PTPRS: variants seen among roughly 807,000 people sequenced by gnomAD.
PTPRS encodes the protein protein tyrosine phosphatase receptor type S.
In PTPRS, 63 loss-of-function variants were observed where a neutral mutation model predicts 215.3. The ratio of observed to expected loss-of-function variants is 0.29; its 90% CI spans 0.24 to 0.36. The LOEUF is 0.36. PTPRS is among the 10% of genes least tolerant of loss of function. The pLI, the probability that PTPRS is intolerant of heterozygous loss-of-function variation, is 1.00. For missense variants in PTPRS, 2,258 were observed against 2,825.8 expected, an observed-to-expected ratio of 0.80 and a Z score of 4.56; for synonymous variants, 1,404 against 1,191.4, an observed-to-expected ratio of 1.18 and a Z score of -3.68.
At chr19:5,226,760 T>C (rs563942440) in intron 16 of PTPRS, among the ~76,000 whole-genome samples, 4,056 of 146,066 alleles carry the variant, frequency 0.028, 80 homozygotes, top group Non-Finnish European at 0.046. Flanking sequence ...AATAAATAAA[T>C]AAACTGTATA....
In PTPRS at chr19:5,206,604, G is replaced by A. The variant is rs1048329369; in HGVS notation, c.*170C>T. 4.9e-5 allele frequency: 28 copies of A among 571,100 alleles called. No individual in the cohort carries two copies. The highest frequency in any genetic ancestry group is 1.3e-4 in the Admixed American group (4 of 30,572). 35.4% of individuals were successfully genotyped at this position (571,100 alleles called of 1,614,324 possible). The stretch of plus-strand genomic sequence containing the variant: ...GGAGGTCGCTGGGGCGGCCGGGGCC[G>A]GTGGGGGGGCTCGAGGGGCTGCGTC... On this transcript the variant is annotated 3_prime_UTR_variant, in exon 38 of 38. Coordinates refer to ENST00000262963, the MANE Select transcript of PTPRS (RefSeq NM_002850.4).
Position 5,215,495 on chromosome 19 carries a change from C to T in PTPRS, c.4194+3G>A. 1.1e-5 allele frequency: 18 copies of T among 1,608,474 alleles called. No individual in the cohort carries two copies. Among genetic ancestry groups the T allele is most frequent in the Non-Finnish European group, 1.4e-5 (17 of 1,175,658 alleles). On this transcript the variant is annotated splice_donor_region_variant and intron_variant, in intron 27 of 37. Transcript: ENST00000262963. ...TGAGGGTGGGAGGCGGGGGTGGGCTCACCTCATACTCCTGGGAGAGCTTGA... is the reference window on the plus strand; with the variant it reads ...TGAGGGTGGGAGGCGGGGGTGGGCTTACCTCATACTCCTGGGAGAGCTTGA...
At position 5,229,455 on chromosome 19, in the gene PTPRS, A is replaced by G. The variant is rs1177753938; in HGVS notation, c.2349+36T>C. On this transcript the variant is annotated intron_variant, in intron 15 of 37. Transcript: ENST00000262963. ...AGCGCAAGGGCCCGTCCCCGCCCGG[A>G]GCCCGTCCCCGGCCCCGCCCCGGCC... 11 of 1,374,766 alleles carry G rather than the reference A, an allele frequency of 8.0e-6. No individual in the cohort carries two copies. In the African/African-American group the frequency reaches 1.4e-4, roughly 17 times the overall value. 85.2% of individuals were successfully genotyped at this position (1,374,766 alleles called of 1,614,324 possible). A position where few individuals can be genotyped will look rare whatever the true frequency, so the allele number is the denominator to read the frequency against.
chr19:5,289,549 C>T (rs896210200), intron 1 of PTPRS, among the ~76,000 whole-genome samples: 4 of 152,310 alleles, frequency 2.6e-5, no homozygotes, highest in African/African-American at 9.6e-5. Flanking sequence ...AGGTCCTGCA[C>T]GACCTGCCCT....
Position 5,223,317 on chromosome 19 carries a change from G to T in PTPRS, c.2495-20C>A. ...CCAGCACTGCGGGGATACGGGGCAG[G>T]TGTCAGGGTCCCAGCGCCATCCGCC... On this transcript the variant is annotated intron_variant, in intron 17 of 37. Coordinates refer to ENST00000262963, the MANE Select transcript of PTPRS (RefSeq NM_002850.4). The T allele has an allele frequency of 1.4e-6, 2 of 1,442,678 alleles. No individual in the cohort carries two copies. Among genetic ancestry groups the T allele is most frequent in the South Asian group, 3.0e-5 (2 of 67,276 alleles). The allele number at this position is 1,442,678 out of a possible 1,614,324, so 89.4% of individuals were successfully genotyped here.
rs904490225 is a variant in PTPRS, at chr19:5,334,122, G to T, written c.-95+6542C>A. 2.6e-5 allele frequency among the ~76,000 whole-genome samples: 4 copies of T among 152,156 alleles called. 1 individual carries two copies. The highest frequency in any genetic ancestry group is 4.4e-5 in the Non-Finnish European group (3 of 68,030). On this transcript the variant is annotated intron_variant, in intron 1 of 37. Coordinates refer to ENST00000262963, the MANE Select transcript of PTPRS (RefSeq NM_002850.4). ...CCCTGTGGTTCAGCTCCCGCCAGTC[G>T]CCCAGTCCTGCCGCAGAAGTGGGGC...
intron 4 of PTPRS, among the ~76,000 whole-genome samples, chr19:5,269,777 T>C (rs113775647): frequency 3.0e-4 from 46 of 152,008 alleles, no homozygotes; most frequent in African/African-American, 1.0e-3. Context: ...AAAAATTAGC[T>C]GGGCGTGCTA....
intron 1 of PTPRS, among the ~76,000 whole-genome samples, chr19:5,323,572 CTG>C (rs2050089350): frequency 6.6e-6 from 1 of 152,238 alleles, no homozygotes; most frequent in East Asian, 1.9e-4. Flanking sequence ...AGGGCACAGA[CTG>C]TGCAAAGGCC....
At chr19:5,240,758 G>A (rs972739433) in intron 11 of PTPRS, among the ~76,000 whole-genome samples, 3 of 151,514 alleles carry the variant, frequency 2.0e-5, no homozygotes, top group Admixed American at 6.6e-5. Flanking sequence ...AGAATGGTGC[G>A]AACCCGGGAG....
At chr19:5,310,318 C>CTTTTTTTTTTTT in intron 1 of PTPRS, among the ~76,000 whole-genome samples, 1 of 134,342 alleles carries the variant, frequency 7.4e-6, no homozygotes, top group Non-Finnish European at 1.6e-5. Context: ...TTTTTCTTTT[C>CTTTTTTTTTTTT]TTTTTTTTTT....
intron 1 of PTPRS, among the ~76,000 whole-genome samples, chr19:5,300,697 G>A (rs1461878023): frequency 1.3e-5 from 2 of 148,514 alleles, no homozygotes; most frequent in African/African-American, 5.0e-5. Flanking sequence ...GAGCCCAAGA[G>A]GCAGAGGTTG....
At position 5,218,462 on chromosome 19, in the gene PTPRS, T is replaced by G; in HGVS notation, c.4006A>C (p.Lys1336Gln). The change falls in exon 25 of 38, where the codon AAG becomes CAG. Residue 1336 changes from lysine to glutamine, a missense_variant. Lys to Gln is a moderately conservative substitution (Grantham distance 53). Transcript: ENST00000262963. ...NNADLAPHHP[K>Q]DPVEMRRINF... ...ATGCGTCTCATTTCCACAGGGTCCT[T>G]GGGGTGGTGAGGGGCGAGGTCGGCA... 1 of 1,613,878 alleles carries G rather than the reference T, an allele frequency of 6.2e-7. No homozygotes were observed. The highest frequency in any genetic ancestry group is 8.5e-7 in the Non-Finnish European group (1 of 1,179,960).
intron 1 of PTPRS, among the ~76,000 whole-genome samples, chr19:5,311,848 G>A (rs2049713984): frequency 1.3e-5 from 2 of 152,222 alleles, no homozygotes; most frequent in South Asian, 4.1e-4. Context: ...AGACCATCCT[G>A]GCTAACATGG....
At chr19:5,228,444 C>T (rs1264860020) in intron 16 of PTPRS, among the ~76,000 whole-genome samples, 1 of 151,426 alleles carries the variant, frequency 6.6e-6, no homozygotes, top group Non-Finnish European at 1.5e-5. Flanking sequence ...CTCCCAGGTT[C>T]AAACGATTCT....
At chr19:5,215,958 A>G (rs2041402518) in intron 26 of PTPRS, among the ~76,000 whole-genome samples, 2 of 152,202 alleles carry the variant, frequency 1.3e-5, no homozygotes, top group African/African-American at 4.8e-5. Flanking sequence ...GCCTCGAGCC[A>G]AGAAGCAAGT....
In PTPRS at chr19:5,285,995, T is replaced by C. The variant is rs2048321438; in HGVS notation, c.91+55A>G. On this transcript the variant is annotated intron_variant, in intron 2 of 37. Coordinates refer to ENST00000262963, the MANE Select transcript of PTPRS (RefSeq NM_002850.4). ...GTGCCCACACACACACAGCCATAAA[T>C]GCACACAGGTAAACAAACACGCAGA... 3.8e-5 allele frequency: 59 copies of C among 1,535,606 alleles called. 1 individual carries two copies. The South Asian group carries it at 6.6e-4, about 17-fold the overall frequency.
At chr19:5,250,298 C>T (rs758177819) in intron 9 of PTPRS, among the ~76,000 whole-genome samples, 7 of 152,172 alleles carry the variant, frequency 4.6e-5, no homozygotes, top group East Asian at 1.9e-4. Flanking sequence ...CCCTCCCTGG[C>T]GGCCTTGTAA....
At position 5,339,650 on chromosome 19, in the gene PTPRS, G is replaced by A. The variant is rs1341740795; in HGVS notation, c.-95+1014C>T. Among the ~76,000 whole-genome samples, 1 of 151,952 alleles carries A rather than the reference G, an allele frequency of 6.6e-6. No individual in the cohort carries two copies. Among genetic ancestry groups the A allele is most frequent in the Non-Finnish European group, 1.5e-5 (1 of 67,912 alleles). On this transcript the variant is annotated intron_variant, in intron 1 of 37. Transcript: ENST00000262963. The surrounding 1 kb of genome is among the most constrained non-coding windows in gnomAD (Gnocchi z 4.2). ...TTGGCCGCAACCTGGCCGAACCCTC[G>A]CACCCACGGCGCGGGCACTCTAACC...
rs778834304 is a variant in PTPRS at position 5,215,317 on chromosome 19, G to C, written c.4290C>G (p.His1430Gln). The C allele has an allele frequency of 1.4e-5, 23 of 1,614,044 alleles. No homozygotes were observed. In the Admixed American group the frequency reaches 3.3e-4, roughly 23 times the overall value. ...NRYANVIAYD[H>Q]SRVILQPIEG... ...CAATGGGCTGGAGGATGACACGGGA[G>C]TGGTCATAGGCGATGACGTTGGCAT... Residue 1430 changes from histidine to glutamine, a missense_variant, in exon 28 of 38, where the codon CAC becomes CAG. Physicochemically the swap from His to Gln is conservative, Grantham distance 24. Around this residue, in one of 6 missense-constraint regions of PTPRS, gnomAD observed 927 missense variants for 1,125.9 expected, o/e 0.82. Coordinates refer to ENST00000262963, the MANE Select transcript of PTPRS (RefSeq NM_002850.4).
Sources: gnomAD v4.1 joint callset for allele counts (sites outside exome capture counted in the v4.1 genomes callset) on GRCh38, gnomAD v4.1.1 for gene constraint, gnomAD v4.1.1 regional missense constraint, Gnocchi (gnomAD v3.1) non-coding constraint, MANE v1.5 for transcripts, NCBI Gene and HGNC (gene_info 2026-07-23, HGNC 2026-07-21) for gene names.